Variants in FRY observed in about 807,000 individuals in gnomAD.
The protein encoded by FRY is FRY microtubule binding protein.
A neutral mutation model predicts 348.4 loss-of-function variants in FRY; 128 were observed. That is an observed-to-expected ratio of 0.37 (90% CI 0.32 to 0.43). The LOEUF (loss-of-function observed/expected upper bound fraction) is 0.43. FRY is among the 20% of genes least tolerant of loss of function. FRY has a pLI of 1.00. For synonymous variants in FRY, 1,370 were observed against 1,374.7 expected, an observed-to-expected ratio of 1.00 and a Z score of 0.08; for missense variants, 2,736 against 3,695.2, an observed-to-expected ratio of 0.74 and a Z score of 6.73.
Position 32,239,406 on chromosome 13 carries a change from G to A in FRY, c.6516+57G>A, listed in dbSNP as rs1886387383. ...CCATAGAGGCCTTCAGGACGCCCTA[G>A]TGTCAGGCAAATTACAAGGCCCAGA... On this transcript the variant is annotated intron_variant, in intron 45 of 60. Transcript: ENST00000542859. This position sits in a 1 kb window ranked among gnomAD's most constrained non-coding sequence, Gnocchi z 4.3. 1 of 1,021,676 alleles carries A rather than the reference G, an allele frequency of 9.8e-7. No individual in the cohort carries two copies. The highest frequency in any genetic ancestry group is 1.6e-5 in the African/African-American group (1 of 63,492). The allele number at this position is 1,021,676 out of a possible 1,614,324, so 63.3% of individuals were successfully genotyped here.
At chr13:32,225,502 C>G (rs1355839448) in intron 38 of FRY, among the ~76,000 whole-genome samples, 1 of 152,080 alleles carries the variant, frequency 6.6e-6, no homozygotes, top group African/African-American at 2.4e-5. Context: ...CAGGGATATC[C>G]AAGGAGGAGA....
chr13:32,091,034 G>A (rs1290689498), intron 2 of FRY, among the ~76,000 whole-genome samples: 2 of 152,128 alleles, frequency 1.3e-5, no homozygotes, highest in Admixed American at 1.3e-4. Flanking sequence ...ATTTATTTGT[G>A]CTGTGTCTTC....
At position 32,224,970 on chromosome 13, in the gene FRY, G is replaced by A. The variant is rs749003208; in HGVS notation, c.4954G>A (p.Val1652Met). 3 of 1,611,206 alleles carry A rather than the reference G, an allele frequency of 1.9e-6. No homozygotes were observed. Among genetic ancestry groups the A allele is most frequent in the Non-Finnish European group, 2.5e-6 (3 of 1,177,466 alleles). Residue 1652 changes from valine (V) to methionine (M), a missense_variant, in exon 38 of 61, where the codon GTG (valine) becomes ATG (methionine). Val to Met is a conservative substitution (Grantham distance 21, BLOSUM62 1). Transcript: ENST00000542859. ...TGTAATTTTTATGACTGAAATGGTG[G>A]TGGATCACAGTGTACGAGAAGACTG... is the stretch of plus-strand genomic sequence containing the variant. ...IAVIFMTEMVVDHSVREDWAL... is the reference protein window; with the variant it reads ...IAVIFMTEMVMDHSVREDWAL...
At chr13:32,054,100 A>G (rs1053937776) in intron 1 of FRY, among the ~76,000 whole-genome samples, 29 of 152,182 alleles carry the variant, frequency 1.9e-4, no homozygotes, top group Admixed American at 3.3e-4. Flanking sequence ...CTGAACTCCC[A>G]TTGTCAGGTT....
At chr13:32,242,867 T>A (rs1276910982) in intron 46 of FRY, among the ~76,000 whole-genome samples, 1 of 152,192 alleles carries the variant, frequency 6.6e-6, no homozygotes, top group Non-Finnish European at 1.5e-5. Flanking sequence ...CCGTAAATAT[T>A]GTGTAATTTC....
intron 8 of FRY, among the ~76,000 whole-genome samples, chr13:32,133,814 C>T (rs1879532855): frequency 8.3e-6 from 1 of 120,836 alleles, no homozygotes; most frequent in African/African-American, 3.1e-5. Flanking sequence ...GGGTCTCACT[C>T]TGTCACCCAG....
chr13:32,136,659 C>A (rs1408601439), intron 10 of FRY, among the ~76,000 whole-genome samples: 1 of 152,170 alleles, frequency 6.6e-6, no homozygotes, highest in Non-Finnish European at 1.5e-5. Context: ...ATCCATAATT[C>A]TTGGTTATTC....
intron 59 of FRY, 136 bp from the exon 60 acceptor site, chr13:32,294,232 C>T (rs1889516859): frequency 7.4e-6 from 5 of 677,298 alleles, no homozygotes; most frequent in Non-Finnish European, 1.1e-5. Context: ...AGTACAATGT[C>T]ATCTATCCTA....
intron 1 of FRY, among the ~76,000 whole-genome samples, chr13:32,048,591 C>T (rs894248513): frequency 3.3e-5 from 5 of 152,096 alleles, no homozygotes; most frequent in Non-Finnish European, 5.9e-5. Flanking sequence ...CTACATTTAC[C>T]TAAATGTCAT....
At chr13:32,041,995 A>T (rs1363111039) in intron 1 of FRY, among the ~76,000 whole-genome samples, 4 of 152,266 alleles carry the variant, frequency 2.6e-5, no homozygotes, top group Non-Finnish European at 5.9e-5. Flanking sequence ...AGTGAGAATG[A>T]AGATTCTAGC....
intron 51 of FRY, among the ~76,000 whole-genome samples, chr13:32,259,396 G>T (rs1887509942): frequency 6.6e-6 from 1 of 152,184 alleles, no homozygotes; most frequent in South Asian, 2.1e-4. Flanking sequence ...ATTCCTCCAA[G>T]AACAGCTTTC....
Position 32,240,518 on chromosome 13 carries a change from GTCA to G in FRY, c.6687+642_6687+644del, listed in dbSNP as rs559397678. Among the ~76,000 whole-genome samples, 172 of 152,220 alleles carry G rather than the reference GTCA, an allele frequency of 1.1e-3. 1 individual carries two copies. Among genetic ancestry groups the G allele is most frequent in the African/African-American group, 4.0e-3 (168 of 41,526 alleles). ...GTTTTTAAAACTGGAATGGTACTTT[GTCA>G]TCATACCAACGTGTTTCTAGTATAT... On this transcript the variant is annotated intron_variant, in intron 46 of 60. Transcript: ENST00000542859.
At chr13:32,079,386 G>C (rs1875331176) in intron 2 of FRY, among the ~76,000 whole-genome samples, 1 of 151,924 alleles carries the variant, frequency 6.6e-6, no homozygotes. Context: ...ATATATATAT[G>C]GCAAAATCTT....
In FRY at chr13:32,093,686, C is replaced by T. The variant is rs769311174; in HGVS notation, c.271-8277C>T. Among the ~76,000 whole-genome samples the T allele has an allele frequency of 2.3e-4, 35 of 152,150 alleles. 1 individual carries two copies. Among genetic ancestry groups the T allele is most frequent in the African/African-American group, 6.5e-4 (27 of 41,434 alleles). ...GCTGTGAGCAGCCACTGATGTTCAG[C>T]GCCAAGTCTCAGTATTTTGGGTTTT... On this transcript the variant is annotated intron_variant, in intron 2 of 60. Coordinates refer to ENST00000542859, the MANE Select transcript of FRY (RefSeq NM_023037.3).
intron 1 of FRY, among the ~76,000 whole-genome samples, chr13:32,067,238 T>G (rs1874314466): frequency 6.6e-6 from 1 of 152,194 alleles, no homozygotes. Flanking sequence ...TACCTATCCT[T>G]TAAGACCTGG....
chr13:32,225,969 A>C lies in FRY; in HGVS notation c.5201A>C (p.Tyr1734Ser). Reference protein sequence around the residue: ...VQPAYQPEYLYTGGFDFLRED... With the variant: ...VQPAYQPEYLSTGGFDFLRED... ...CCAGCCTACCAACCTGAATATCTCT[A>C]TACAGGTAACAGAGAAGGACTGGTA... The change falls in exon 39 of 61, where the codon TAT becomes TCT. Residue 1734 changes from tyrosine (Y) to serine (S), a missense_variant. Transcript: ENST00000542859. 1 of 1,613,614 alleles carries C rather than the reference A, an allele frequency of 6.2e-7. No homozygotes were observed. The highest frequency in any genetic ancestry group is 1.1e-5 in the South Asian group (1 of 91,062).
rs9595033 is a variant in FRY, at chr13:32,156,341, C to T, written c.1651+679C>T. ...AGATGTAATAGGTTGGGCGCAGTGGCTCACGCCTGTAATCCCAGCATTTTG... is the reference window on the plus strand; with the variant it reads ...AGATGTAATAGGTTGGGCGCAGTGGTTCACGCCTGTAATCCCAGCATTTTG... On this transcript the variant is annotated intron_variant, in intron 15 of 60. Coordinates refer to ENST00000542859, the MANE Select transcript of FRY (RefSeq NM_023037.3). Among the ~76,000 whole-genome samples the T allele has an allele frequency of 2.8e-3, 421 of 152,308 alleles. 2 individuals are homozygous for T. The highest frequency in any genetic ancestry group is 9.9e-3 in the African/African-American group (412 of 41,548).
intron 39 of FRY, among the ~76,000 whole-genome samples, chr13:32,226,505 T>A (rs1885590507): frequency 1.3e-5 from 2 of 152,212 alleles, no homozygotes; most frequent in Admixed American, 1.3e-4. Flanking sequence ...TAGGAACAGA[T>A]GGCATTAACT....
At chr13:32,184,752 T>C in intron 25 of FRY, 61 bp downstream of exon 25, 1 of 1,077,498 alleles carries the variant, frequency 9.3e-7, no homozygotes, top group Non-Finnish European at 1.4e-6. Context: ...TTGTTTTCTT[T>C]CTGTCTCTCT....
Sources: gnomAD v4.1 joint callset for allele counts (sites outside exome capture counted in the v4.1 genomes callset) on GRCh38, gnomAD v4.1.1 for gene constraint, Gnocchi (gnomAD v3.1) non-coding constraint, MANE v1.5 for transcripts, NCBI Gene and HGNC (gene_info 2026-07-23, HGNC 2026-07-21) for gene names.